FRYL: variants seen among roughly 807,000 people sequenced by gnomAD.
FRYL encodes the protein FRY like transcription coactivator, also known as protein furry homolog-like.
In FRYL, 150 loss-of-function variants were observed where a neutral mutation model predicts 351.2. The ratio of observed to expected loss-of-function variants is 0.43; its 90% CI spans 0.37 to 0.49. The LOEUF (loss-of-function observed/expected upper bound fraction) is 0.49. FRYL is among the 20% of genes least tolerant of loss of function. The pLI, the probability that FRYL is intolerant of heterozygous loss-of-function variation, is 0.00. For synonymous variants in FRYL, 1,153 were observed against 1,257.1 expected (o/e 0.92, Z 1.75); for missense variants, 3,036 against 3,619.3 (o/e 0.84, Z 4.13).
chr4:48,746,941 C>T (rs1772744993), intron 1 of FRYL, among the ~76,000 whole-genome samples: 2 of 152,148 alleles, frequency 1.3e-5, no homozygotes, highest in African/African-American at 4.8e-5. Context: ...CCTGGTGGAG[C>T]CTAGGCAACT....
chr4:48,626,787 A>C (rs1422683605), intron 4 of FRYL, among the ~76,000 whole-genome samples: 2 of 152,108 alleles, frequency 1.3e-5, no homozygotes, highest in Non-Finnish European at 2.9e-5. Context: ...CAGTAGTCCC[A>C]ATTTTTTTCT....
At chr4:48,747,894 G>A (rs775700662) in intron 1 of FRYL, among the ~76,000 whole-genome samples, 1 of 152,220 alleles carries the variant, frequency 6.6e-6, no homozygotes, top group South Asian at 2.1e-4. Flanking sequence ...ATTTTAAGAG[G>A]GTTTCATGAA....
Position 48,623,160 on chromosome 4 carries a change from G to T in FRYL, c.140C>A (p.Ser47Tyr). Residue 47 changes from serine (S) to tyrosine (Y), a missense_variant, in exon 5 of 64, where the codon TCT becomes TAT. Around this residue, in one of 7 missense-constraint regions of FRYL, gnomAD observed 457 missense variants for 566.6 expected, o/e 0.81. Transcript: ENST00000358350. Reference protein sequence around the residue: ...AEPLEKLLSRSLQRGEDLQFD... With the variant: ...AEPLEKLLSRYLQRGEDLQFD... ...CTGAAGATCTTCACCCCTCTGAAGAGATCTGGACAATAGCTTCTCCTATGA... is the reference window on the plus strand; with the variant it reads ...CTGAAGATCTTCACCCCTCTGAAGATATCTGGACAATAGCTTCTCCTATGA... The T allele has an allele frequency of 6.5e-7, 1 of 1,550,350 alleles. No homozygotes were observed. The highest frequency in any genetic ancestry group is 8.7e-7 in the Non-Finnish European group (1 of 1,144,986).
Position 48,710,585 on chromosome 4 carries a change from T to C in FRYL, c.-270A>G. ...ACACCAAGTTTGGAAAGGATCCATC[T>C]AGAAGCTTTTTTGATCTGGAGCTTG... On this transcript the variant is annotated 5_prime_UTR_variant, in exon 2 of 64. Coordinates refer to ENST00000358350, the MANE Select transcript of FRYL (RefSeq NM_015030.2). 1 of 398,642 alleles carries C rather than the reference T, an allele frequency of 2.5e-6. No individual in the cohort carries two copies. The highest frequency in any genetic ancestry group is 4.4e-6 in the Non-Finnish European group (1 of 226,078). 24.7% of individuals were successfully genotyped at this position (398,642 alleles called of 1,614,324 possible). A position where few individuals can be genotyped will look rare whatever the true frequency, so the allele number is the denominator to read the frequency against.
At chr4:48,622,567 C>CT (rs1409826544) in intron 5 of FRYL, among the ~76,000 whole-genome samples, 1 of 152,068 alleles carries the variant, frequency 6.6e-6, no homozygotes, top group Admixed American at 6.6e-5. Context: ...ACATTAAACT[C>CT]TATTTCTGAG....
chr4:48,717,049 A>G (rs1768927847), intron 1 of FRYL, among the ~76,000 whole-genome samples: 1 of 144,094 alleles, frequency 6.9e-6, no homozygotes, highest in African/African-American at 2.6e-5. Context: ...ACATATTCTC[A>G]CTCTTAGGTG....
At chr4:48,596,552 T>C (rs1455944137) in intron 13 of FRYL, among the ~76,000 whole-genome samples, 2 of 152,112 alleles carry the variant, frequency 1.3e-5, no homozygotes, top group Non-Finnish European at 2.9e-5. Context: ...TTGGGCATTG[T>C]TATATGATTC....
chr4:48,650,788 A>G (rs1272162399), intron 3 of FRYL, among the ~76,000 whole-genome samples: 1 of 152,226 alleles, frequency 6.6e-6, no homozygotes, highest in African/African-American at 2.4e-5. Context: ...AGATGCAAAC[A>G]GGACCAATAT....
intron 4 of FRYL, among the ~76,000 whole-genome samples, chr4:48,632,764 T>C (rs1753496336): frequency 6.6e-6 from 1 of 152,074 alleles, no homozygotes; most frequent in African/African-American, 2.4e-5. Context: ...TTCCTCAGAG[T>C]AGTTTTCTCT....
intron 3 of FRYL, among the ~76,000 whole-genome samples, chr4:48,657,847 T>C (rs1028888158): frequency 1.3e-5 from 2 of 152,214 alleles, no homozygotes; most frequent in Non-Finnish European, 2.9e-5. Flanking sequence ...AAATACTATA[T>C]ACTAAAGATT....
chr4:48,564,354 G>A (rs1463530662), intron 30 of FRYL, among the ~76,000 whole-genome samples: 1 of 152,150 alleles, frequency 6.6e-6, no homozygotes, highest in Non-Finnish European at 1.5e-5. Flanking sequence ...AGCCCTGAAG[G>A]CAGTTAATGA....
chr4:48,528,714 C>A (rs867326806), intron 50 of FRYL, among the ~76,000 whole-genome samples: 10 of 152,226 alleles, frequency 6.6e-5, no homozygotes, highest in Middle Eastern at 3.4e-3. Flanking sequence ...TCTTACCACT[C>A]AGACTTAATA....
intron 29 of FRYL, 104 bp downstream of exon 29, chr4:48,565,427 A>T: frequency 2.4e-6 from 2 of 816,780 alleles, no homozygotes; most frequent in Non-Finnish European, 3.5e-6. Context: ...GCAGAAAAAC[A>T]TTTTAATACT....
At chr4:48,613,848 C>T (rs1388533153) in intron 7 of FRYL, among the ~76,000 whole-genome samples, 1 of 150,200 alleles carries the variant, frequency 6.7e-6, no homozygotes, top group Non-Finnish European at 1.5e-5. Flanking sequence ...CCCAGCTACT[C>T]GGGAGGCTGA....
chr4:48,763,300 A>C (rs930876398), intron 1 of FRYL, among the ~76,000 whole-genome samples: 27 of 151,822 alleles, frequency 1.8e-4, no homozygotes, highest in Non-Finnish European at 3.4e-4. Flanking sequence ...TGTCTCCAAA[A>C]AAAATTTAAA....
At position 48,544,852 on chromosome 4, in the gene FRYL, T is replaced by C. The variant is rs370035908; in HGVS notation, c.5332A>G (p.Ile1778Val). ...GTAGTTAACTGTTCAGCACTCTTTATGCTAGGATTCTTGGCAGAAACATCC... is the reference window on the plus strand; with the variant it reads ...GTAGTTAACTGTTCAGCACTCTTTACGCTAGGATTCTTGGCAGAAACATCC... ...HEDVSAKNPS[I>V]KSAEQLTTFL... Residue 1778 changes from isoleucine to valine, a missense_variant, in exon 43 of 64, where the codon ATA (isoleucine) becomes GTA (valine). Physicochemically the swap from Ile to Val is conservative, Grantham distance 29. Coordinates refer to ENST00000358350, the MANE Select transcript of FRYL (RefSeq NM_015030.2). The C allele has an allele frequency of 6.2e-7, 1 of 1,609,958 alleles. No individual in the cohort carries two copies. The highest frequency in any genetic ancestry group is 1.3e-5 in the African/African-American group (1 of 74,696).
At chr4:48,565,793 A>G in intron 28 of FRYL, 102 bp from the exon 29 acceptor site, 1 of 1,183,294 alleles carries the variant, frequency 8.5e-7, no homozygotes, top group South Asian at 1.5e-5. Flanking sequence ...AAAAGAAAGC[A>G]GAAGTTTTCA....
chr4:48,581,459 T>C lies in FRYL; in HGVS notation c.2133A>G (p.Arg711=), dbSNP rs1186357778. 1 of 1,613,174 alleles carries C rather than the reference T, an allele frequency of 6.2e-7. No homozygotes were observed. The highest frequency in any genetic ancestry group is 8.5e-7 in the Non-Finnish European group (1 of 1,179,742). Residue 711 remains arginine (R), a synonymous_variant, in exon 21 of 64, where the codon AGA becomes AGG. Coordinates refer to ENST00000358350, the MANE Select transcript of FRYL (RefSeq NM_015030.2). ...ATRRLAVSVL[R]EIRALFALLE... is the part of the protein sequence containing the mutation. ...GAAGTGCAAATAAAGCCCGTATTTC[T>C]CTAAGGACACTGACGGCTAGTCTCC...
chr4:48,713,388 G>A (rs989070428), intron 1 of FRYL, among the ~76,000 whole-genome samples: 1 of 152,204 alleles, frequency 6.6e-6, no homozygotes. Flanking sequence ...CTCACGTGCA[G>A]AGACACACAT....
Sources: gnomAD v4.1 joint callset for allele counts (sites outside exome capture counted in the v4.1 genomes callset) on GRCh38, gnomAD v4.1.1 for gene constraint, gnomAD v4.1.1 regional missense constraint, MANE v1.5 for transcripts, NCBI Gene and HGNC (gene_info 2026-07-23, HGNC 2026-07-21) for gene names.